The following B3GALT1 variants were observed in gnomAD, a reference collection of about 807,000 sequenced individuals.
B3GALT1 encodes beta-1,3-galactosyltransferase 1.
A neutral mutation model predicts 23.2 loss-of-function variants in B3GALT1; 10 were observed. That is an observed-to-expected ratio of 0.43 (90% CI 0.27 to 0.73). B3GALT1 has a LOEUF of 0.73. Among genes scored for constraint, B3GALT1 ranks in the 30% least tolerant of loss-of-function variants. The probability of loss-of-function intolerance (pLI) is 0.21; values close to 1 mark genes in which losing one functional copy is unlikely to be tolerated. For missense variants in B3GALT1, 299 were observed against 405.4 expected, an observed-to-expected ratio of 0.74 and a Z score of 2.25; for synonymous variants, 156 against 141.5, an observed-to-expected ratio of 1.10 and a Z score of -0.73.
chr2:167,455,776 G>A (rs1699160629), intron 1 of B3GALT1, among the ~76,000 whole-genome samples: 1 of 152,172 alleles, frequency 6.6e-6, no homozygotes, highest in Admixed American at 6.5e-5. Context: ...GCCTCCCATA[G>A]TGCTGGGATT....
intron 1 of B3GALT1, among the ~76,000 whole-genome samples, chr2:167,315,389 A>G (rs893380718): frequency 2.0e-5 from 3 of 152,122 alleles, no homozygotes; most frequent in South Asian, 2.1e-4. Flanking sequence ...GGACATTTTC[A>G]GAGTGTATTA....
At chr2:167,555,440 C>A (rs1683827315) in intron 2 of B3GALT1, among the ~76,000 whole-genome samples, 1 of 152,124 alleles carries the variant, frequency 6.6e-6, no homozygotes, top group Non-Finnish European at 1.5e-5. Context: ...AAGTAAAATT[C>A]AATCTTTTAT....
intron 4 of B3GALT1, among the ~76,000 whole-genome samples, chr2:167,867,354 C>G (rs1167095676): frequency 6.6e-6 from 1 of 152,110 alleles, no homozygotes; most frequent in Admixed American, 6.5e-5. Context: ...AGAAATTTCT[C>G]CCGGGAGGAC....
chr2:167,356,349 A>G (rs1207727116), intron 1 of B3GALT1, among the ~76,000 whole-genome samples: 1 of 152,204 alleles, frequency 6.6e-6, no homozygotes, highest in African/African-American at 2.4e-5. Flanking sequence ...ATGGATGAAG[A>G]TGCAGATTAG....
intron 3 of B3GALT1, among the ~76,000 whole-genome samples, chr2:167,705,832 A>C (rs1002947096): frequency 2.8e-4 from 42 of 152,222 alleles, no homozygotes; most frequent in Admixed American, 5.2e-4. Flanking sequence ...ATTTACTTTT[A>C]AGTTACATAT....
intron 3 of B3GALT1, chr2:167,715,705 C>T (rs1367650389): frequency 2.9e-5 from 46 of 1,613,118 alleles, no homozygotes; most frequent in Admixed American, 5.0e-5. Flanking sequence ...CTTCTGCTGC[C>T]GCCTTCTCAA....
chr2:167,442,144 C>A (rs1035817673), intron 1 of B3GALT1, among the ~76,000 whole-genome samples: 1 of 148,168 alleles, frequency 6.7e-6, no homozygotes, highest in Non-Finnish European at 1.5e-5. Context: ...GTTTTTTGTT[C>A]TTGCGATAGT....
chr2:167,313,808 T>G (rs747692127), intron 1 of B3GALT1, among the ~76,000 whole-genome samples: 46 of 152,210 alleles, frequency 3.0e-4, no homozygotes, highest in Non-Finnish European at 3.2e-4. Context: ...CTTTAGAGAC[T>G]TCTCAAAGTC....
At chr2:167,704,045 G>T (rs949940726) in intron 3 of B3GALT1, among the ~76,000 whole-genome samples, 1 of 151,988 alleles carries the variant, frequency 6.6e-6, no homozygotes, top group Non-Finnish European at 1.5e-5. Flanking sequence ...GCCGGGTGTG[G>T]TATCAGGCGC....
intron 1 of B3GALT1, among the ~76,000 whole-genome samples, chr2:167,372,037 A>C (rs762435734): frequency 4.4e-4 from 67 of 151,876 alleles, no homozygotes; most frequent in Non-Finnish European, 7.8e-4. Flanking sequence ...AAATAATTTT[A>C]TAATAAAAAT....
At chr2:167,595,295 A>G (rs1040875235) in intron 2 of B3GALT1, among the ~76,000 whole-genome samples, 1 of 152,140 alleles carries the variant, frequency 6.6e-6, no homozygotes, top group South Asian at 2.1e-4. Context: ...AAAAATAGAC[A>G]AAAATAAGTC....
intron 2 of B3GALT1, among the ~76,000 whole-genome samples, chr2:167,631,945 A>C (rs1685455499): frequency 6.8e-6 from 1 of 146,238 alleles, no homozygotes; most frequent in Non-Finnish European, 1.5e-5. Context: ...TCCCTCCCCT[A>C]CCCCCCACCC....
At chr2:167,776,915 G>T (rs763863578) in intron 3 of B3GALT1, among the ~76,000 whole-genome samples, 7 of 151,436 alleles carry the variant, frequency 4.6e-5, no homozygotes, top group Admixed American at 6.6e-5. Context: ...TATTGGTTTT[G>T]GTCTCCACTT....
chr2:167,790,309 TG>T (rs1688411976), intron 3 of B3GALT1, among the ~76,000 whole-genome samples: 1 of 152,146 alleles, frequency 6.6e-6, no homozygotes, highest in East Asian at 1.9e-4. Flanking sequence ...TACCCTCCAC[TG>T]GGACTCAAAC....
chr2:167,565,638 A>G (rs1168584808), intron 2 of B3GALT1, among the ~76,000 whole-genome samples: 1 of 152,250 alleles, frequency 6.6e-6, no homozygotes, highest in Non-Finnish European at 1.5e-5. Context: ...CAGAATCTAC[A>G]ATGAACTCAA....
At chr2:167,520,549 T>C (rs1700172557) in intron 2 of B3GALT1, among the ~76,000 whole-genome samples, 1 of 152,180 alleles carries the variant, frequency 6.6e-6, no homozygotes, top group South Asian at 2.1e-4. Flanking sequence ...TGATCATTCT[T>C]TGGCCCTCAG....
At chr2:167,748,310 G>A (rs543574768) in intron 3 of B3GALT1, among the ~76,000 whole-genome samples, 1 of 152,154 alleles carries the variant, frequency 6.6e-6, no homozygotes, top group African/African-American at 2.4e-5. Flanking sequence ...CAAGCCATCA[G>A]TTATCCACCG....
At chr2:167,599,460 A>T (rs530612050) in intron 2 of B3GALT1, among the ~76,000 whole-genome samples, 130 of 152,320 alleles carry the variant, frequency 8.5e-4, no homozygotes, top group African/African-American at 2.7e-3. Flanking sequence ...TGCACATCAC[A>T]TTCAAGAGCC....
At chr2:167,607,296 T>C (rs1167622905) in intron 2 of B3GALT1, among the ~76,000 whole-genome samples, 1 of 152,242 alleles carries the variant, frequency 6.6e-6, no homozygotes, top group African/African-American at 2.4e-5. Context: ...TGCTCAGTCA[T>C]AGTTCAGTAC....
Sources: gnomAD v4.1 joint callset for allele counts (sites outside exome capture counted in the v4.1 genomes callset) on GRCh38, gnomAD v4.1.1 for gene constraint, MANE v1.5 for transcripts, NCBI Gene and HGNC (gene_info 2026-07-23, HGNC 2026-07-21) for gene names.